The following ELMO1 variants were observed in gnomAD, a reference collection of about 807,000 sequenced individuals.
ELMO1 encodes engulfment and cell motility protein 1.
In ELMO1, 26 loss-of-function variants were observed where a neutral mutation model predicts 98.9. That is an observed-to-expected ratio of 0.26 (90% CI 0.19 to 0.36). The LOEUF is 0.36. ELMO1 is among the 10% of genes least tolerant of loss of function. ELMO1 has a pLI of 1.00. For missense variants in ELMO1, 627 were observed against 935.2 expected (o/e 0.67, Z 4.30); for synonymous variants, 346 against 346.0 (o/e 1.00, Z 0.00).
chr7:37,019,867 G>A (rs1431268873), intron 15 of ELMO1, among the ~76,000 whole-genome samples: 1 of 152,148 alleles, frequency 6.6e-6, no homozygotes, highest in Non-Finnish European at 1.5e-5. Flanking sequence ...ACAATTTGCT[G>A]ATATCTCATT....
chr7:36,852,923 GTTTTA>G lies in ELMO1; in HGVS notation c.*2623_*2627del, dbSNP rs1486289840. 2.6e-5 allele frequency among the ~76,000 whole-genome samples: 4 copies of G among 152,198 alleles called. No individual in the cohort carries two copies. The highest frequency in any genetic ancestry group is 7.2e-5 in the African/African-American group (3 of 41,446). On this transcript the variant is annotated 3_prime_UTR_variant, in exon 22 of 22. Coordinates refer to ENST00000310758, the MANE Select transcript of ELMO1 (RefSeq NM_014800.11). The stretch of plus-strand genomic sequence containing the variant: ...TCAGCAGATTCAAATTAAGTAATCA[GTTTTA>G]TTTTGAGTAATATGAATAGCAGAAT...
chr7:37,092,532 C>T (rs1784164979), intron 15 of ELMO1, among the ~76,000 whole-genome samples: 1 of 151,882 alleles, frequency 6.6e-6, no homozygotes, highest in Non-Finnish European at 1.5e-5. Context: ...GCACCCGCCA[C>T]CATGCCCGGC....
intron 1 of ELMO1, among the ~76,000 whole-genome samples, chr7:37,375,121 C>G (rs926037927): frequency 9.9e-5 from 15 of 152,150 alleles, no homozygotes; most frequent in Non-Finnish European, 4.4e-5. Context: ...GCTCTTTGTT[C>G]CCATCTTCCT....
intron 16 of ELMO1, among the ~76,000 whole-genome samples, chr7:36,962,663 T>C (rs1789053958): frequency 8.6e-6 from 1 of 116,642 alleles, no homozygotes; most frequent in Non-Finnish European, 1.7e-5. Flanking sequence ...CTAAGGGAAT[T>C]AACGGGGGTG....
chr7:37,240,664 T>C (rs767152169), intron 7 of ELMO1, among the ~76,000 whole-genome samples: 14 of 152,184 alleles, frequency 9.2e-5, no homozygotes, highest in Non-Finnish European at 1.9e-4. Flanking sequence ...CAAATTTGGG[T>C]ATGTTGTATT....
intron 18 of ELMO1, 138 bp from the exon 19 acceptor site, chr7:36,878,255 G>C (rs1397555948): frequency 1.1e-5 from 7 of 642,430 alleles, no homozygotes; most frequent in Non-Finnish European, 1.9e-5. Flanking sequence ...ATGAATTCTA[G>C]GGCCCTGGGC....
chr7:37,095,858 T>C (rs1161116369), intron 15 of ELMO1, among the ~76,000 whole-genome samples: 2 of 152,208 alleles, frequency 1.3e-5, no homozygotes, highest in South Asian at 2.1e-4. Context: ...CTGGTGCTCA[T>C]GTTATTAAGC....
At chr7:37,291,883 G>A (rs1483102256) in intron 4 of ELMO1, among the ~76,000 whole-genome samples, 1 of 144,190 alleles carries the variant, frequency 6.9e-6, no homozygotes, top group Non-Finnish European at 1.5e-5. Flanking sequence ...CCACTGCACC[G>A]CAGCCTGGGC....
At chr7:37,297,149 TTAA>T (rs762023471) in intron 4 of ELMO1, among the ~76,000 whole-genome samples, 5 of 152,290 alleles carry the variant, frequency 3.3e-5, no homozygotes, top group East Asian at 1.9e-4. Context: ...GCCTGGCATC[TTAA>T]TAATAATAAT....
At chr7:36,911,141 G>C (rs1052648079) in intron 16 of ELMO1, among the ~76,000 whole-genome samples, 3 of 152,104 alleles carry the variant, frequency 2.0e-5, no homozygotes, top group East Asian at 3.9e-4. Context: ...TTCTGGAAAG[G>C]ACAATAAAAA....
At chr7:37,145,293 A>G (rs73690137) in intron 13 of ELMO1, among the ~76,000 whole-genome samples, 4,316 of 152,338 alleles carry the variant, frequency 0.028, 68 homozygotes, top group Middle Eastern at 0.065. Flanking sequence ...CAGATCTACC[A>G]TTCCTCAAAT....
chr7:37,439,914 C>G (rs1470802499), intron 1 of ELMO1, among the ~76,000 whole-genome samples: 1 of 152,140 alleles, frequency 6.6e-6, no homozygotes, highest in Non-Finnish European at 1.5e-5. Context: ...CTGGAGAAAA[C>G]AGGATTTAGC....
chr7:37,118,764 T>C (rs553114830), intron 14 of ELMO1, among the ~76,000 whole-genome samples: 32 of 152,284 alleles, frequency 2.1e-4, no homozygotes, highest in African/African-American at 7.7e-4. Context: ...CAGTCAGCCA[T>C]AATACAAGAA....
chr7:37,180,295 G>A (rs1790766601), intron 13 of ELMO1, among the ~76,000 whole-genome samples: 1 of 152,112 alleles, frequency 6.6e-6, no homozygotes, highest in Admixed American at 6.6e-5. Context: ...GGGGTAATAG[G>A]ATAATCAATG....
chr7:36,859,416 C>A (rs1040886929), intron 21 of ELMO1, among the ~76,000 whole-genome samples: 1 of 152,114 alleles, frequency 6.6e-6, no homozygotes, highest in African/African-American at 2.4e-5. Context: ...TCAGGGGTGG[C>A]AGCTGGGTGA....
intron 16 of ELMO1, among the ~76,000 whole-genome samples, chr7:36,897,336 G>GTGTGTGTGTGTGTGTGTA (rs1554351183): frequency 0.014 from 2,059 of 148,306 alleles, 26 homozygotes; most frequent in Non-Finnish European, 0.017. Context: ...GTGTGTGTGT[G>GTGTGTGTGTGTGTGTGTA]TGTGTGTGTG....
intron 1 of ELMO1, among the ~76,000 whole-genome samples, chr7:37,419,159 T>C (rs1804362438): frequency 6.6e-6 from 1 of 152,140 alleles, no homozygotes; most frequent in South Asian, 2.1e-4. Context: ...GCAGAAAGCA[T>C]TTTCTGGTAG....
chr7:37,277,658 T>C (rs1434564892), intron 4 of ELMO1, among the ~76,000 whole-genome samples: 1 of 152,122 alleles, frequency 6.6e-6, no homozygotes, highest in Non-Finnish European at 1.5e-5. Flanking sequence ...GATATTCTCC[T>C]AAGGAGAAAT....
At chr7:37,148,002 G>C (rs1788109861) in intron 13 of ELMO1, among the ~76,000 whole-genome samples, 2 of 152,144 alleles carry the variant, frequency 1.3e-5, no homozygotes, top group Non-Finnish European at 2.9e-5. Context: ...TACAGAAACA[G>C]GAATAGCAGA....
Sources: gnomAD v4.1 joint callset for allele counts (sites outside exome capture counted in the v4.1 genomes callset) on GRCh38, gnomAD v4.1.1 for gene constraint, MANE v1.5 for transcripts, NCBI Gene and HGNC (gene_info 2026-07-23, HGNC 2026-07-21) for gene names.